The following ADAMTS14 variants were observed in gnomAD, a reference collection of about 807,000 sequenced individuals.
The protein encoded by ADAMTS14 is ADAM metallopeptidase with thrombospondin type 1 motif 14, also known as A disintegrin and metalloproteinase with thrombospondin motifs 14.
ADAMTS14 carries 100 observed loss-of-function variants against 128.6 expected under a neutral mutation model. That is an observed-to-expected ratio of 0.78 (90% confidence interval 0.66 to 0.92). The LOEUF is 0.92. Ranked by LOEUF, ADAMTS14 falls within the 40% of genes least tolerant of loss-of-function variation. ADAMTS14 has a pLI of 0.00. For missense variants in ADAMTS14, 1,562 were observed against 1,658.6 expected (o/e 0.94, Z 1.01); for synonymous variants, 665 against 653.8 (o/e 1.02, Z -0.26).
In ADAMTS14 at chr10:70,758,018, C is replaced by T. The variant is rs367958075; in HGVS notation, c.2994C>T (p.Asn998=). 8.5e-5 allele frequency: 137 copies of T among 1,613,566 alleles called. No homozygotes were observed. The highest frequency in any genetic ancestry group is 3.1e-4 in the South Asian group (28 of 91,006). Reference sequence around the variant, plus strand: ...AGCGGCAGGTGGTGTGCAGGACCAACGCCAACAGCCTCGGGCATTGCGAGG... The same window carrying T: ...AGCGGCAGGTGGTGTGCAGGACCAATGCCAACAGCCTCGGGCATTGCGAGG... ...IQQRQVVCRT[N]ANSLGHCEGD... is the part of the protein sequence containing the mutation. Residue 998 remains asparagine, a synonymous_variant, in exon 20 of 22, where the codon AAC becomes AAT. Coordinates refer to ENST00000373207, the MANE Select transcript of ADAMTS14 (RefSeq NM_080722.4).
At chr10:70,673,819 G>A (rs753775133) in intron 1 of ADAMTS14, among the ~76,000 whole-genome samples, 11 of 152,298 alleles carry the variant, frequency 7.2e-5, no homozygotes, top group Middle Eastern at 3.4e-3. Flanking sequence ...GGAGAGCTGC[G>A]TGAGGATGGG....
intron 3 of ADAMTS14, among the ~76,000 whole-genome samples, chr10:70,704,838 G>T (rs961040998): frequency 1.3e-5 from 2 of 149,920 alleles, no homozygotes; most frequent in African/African-American, 4.9e-5. Flanking sequence ...ACACACTGAC[G>T]CAAACACACG....
rs1175396738 is a variant in ADAMTS14 at position 70,738,469 on chromosome 10, A to G, written c.1600-373A>G. Among the ~76,000 whole-genome samples the G allele has an allele frequency of 4.6e-5, 7 of 152,228 alleles. No individual in the cohort carries two copies. The East Asian group carries it at 1.3e-3, about 29-fold the overall frequency. On this transcript the variant is annotated intron_variant, in intron 10 of 21. Coordinates refer to ENST00000373207, the MANE Select transcript of ADAMTS14 (RefSeq NM_080722.4). ...TCCCTGGAAGGTGATTTTGAGATAC[A>G]GAGCCAAGATCAACTCTAGCTAGTG... is the stretch of plus-strand genomic sequence containing the variant.
chr10:70,733,870 T>C lies in ADAMTS14; in HGVS notation c.1209-15T>C. The C allele has an allele frequency of 6.2e-7, 1 of 1,609,688 alleles. No homozygotes were observed. The highest frequency in any genetic ancestry group is 8.5e-7 in the Non-Finnish European group (1 of 1,176,930). ...CCTGGGATGTATCAGGACTCCTCTGTCTTCCCCATTCCAGGCTCGGCATGG... is the reference window on the plus strand; with the variant it reads ...CCTGGGATGTATCAGGACTCCTCTGCCTTCCCCATTCCAGGCTCGGCATGG... On this transcript the variant is annotated splice_polypyrimidine_tract_variant and intron_variant, in intron 7 of 21. Transcript: ENST00000373207.
At chr10:70,679,726 C>T (rs982953386) in intron 2 of ADAMTS14, among the ~76,000 whole-genome samples, 8 of 152,228 alleles carry the variant, frequency 5.3e-5, no homozygotes, top group African/African-American at 1.4e-4. Context: ...GGGCCTGGCG[C>T]GGAAGCAGCC....
At chr10:70,717,224 C>T (rs562630299) in intron 4 of ADAMTS14, among the ~76,000 whole-genome samples, 2 of 152,272 alleles carry the variant, frequency 1.3e-5, no homozygotes, top group East Asian at 3.9e-4. Flanking sequence ...AATCAGGGAA[C>T]CACTGAGAAT....
At chr10:70,683,869 A>G (rs1485837349) in intron 2 of ADAMTS14, among the ~76,000 whole-genome samples, 1 of 152,140 alleles carries the variant, frequency 6.6e-6, no homozygotes, top group East Asian at 1.9e-4. Flanking sequence ...AGGCCGTCTC[A>G]GGGTAGCACT....
At chr10:70,752,722 C>T (rs927462175) in intron 18 of ADAMTS14, among the ~76,000 whole-genome samples, 1 of 152,194 alleles carries the variant, frequency 6.6e-6, no homozygotes, top group South Asian at 2.1e-4. Context: ...AGGGCATCGC[C>T]CATCCTCCTG....
chr10:70,729,814 G>A (rs1841575483), intron 5 of ADAMTS14, among the ~76,000 whole-genome samples: 1 of 152,246 alleles, frequency 6.6e-6, no homozygotes, highest in Non-Finnish European at 1.5e-5. Context: ...TAGAGGAAAT[G>A]CTCAGAACAG....
chr10:70,685,753 G>C (rs1378782411), intron 2 of ADAMTS14, among the ~76,000 whole-genome samples: 1 of 152,170 alleles, frequency 6.6e-6, no homozygotes, highest in Non-Finnish European at 1.5e-5. Flanking sequence ...GTGCTGTCCC[G>C]TGATATGGTA....
rs1682025747 is a variant in ADAMTS14, at chr10:70,760,866, C to A, written c.*13C>A. 2 of 1,552,002 alleles carry A rather than the reference C, an allele frequency of 1.3e-6. No homozygotes were observed. On this transcript the variant is annotated 3_prime_UTR_variant, in exon 22 of 22. Transcript: ENST00000373207. Reference sequence around the variant, plus strand: ...CCCGGTGACATGAGCTGTGCCCTGCCATCCCACTGGCACGTTTACACTCTG... The same window carrying A: ...CCCGGTGACATGAGCTGTGCCCTGCAATCCCACTGGCACGTTTACACTCTG...
chr10:70,736,760 C>A lies in ADAMTS14; in HGVS notation c.1566C>A (p.Pro522=). Residue 522 remains proline, a synonymous_variant, in exon 10 of 22, where the codon CCC becomes CCA. Transcript: ENST00000373207. ...NPYFCKTKKG[P]PLDGTECAPG... ...ACTTCTGCAAGACCAAGAAGGGGCC[C>A]CCGCTGGATGGGACTGAGTGTGCAC... 1.9e-6 allele frequency: 3 copies of A among 1,613,812 alleles called. No individual in the cohort carries two copies. The highest frequency in any genetic ancestry group is 2.5e-6 in the Non-Finnish European group (3 of 1,179,794).
At chr10:70,684,829 A>G (rs890394135) in intron 2 of ADAMTS14, among the ~76,000 whole-genome samples, 6 of 150,784 alleles carry the variant, frequency 4.0e-5, no homozygotes, top group Admixed American at 1.3e-4. Flanking sequence ...CTGTCTGAGC[A>G]GAGGCCCCGG....
chr10:70,686,317 TG>T (rs1312685548), intron 2 of ADAMTS14, among the ~76,000 whole-genome samples: 3 of 139,778 alleles, frequency 2.1e-5, no homozygotes, highest in African/African-American at 7.9e-5. Flanking sequence ...TGATAATTCT[TG>T]GGTGTTTCTC....
intron 2 of ADAMTS14, among the ~76,000 whole-genome samples, chr10:70,692,253 C>T (rs973988452): frequency 6.6e-6 from 1 of 152,100 alleles, no homozygotes; most frequent in African/African-American, 2.4e-5. Flanking sequence ...GTCTTTCAGA[C>T]CAGAAGAGCC....
At position 70,712,588 on chromosome 10, in the gene ADAMTS14, T is replaced by C. The variant is rs114833291; in HGVS notation, c.870+3810T>C. On this transcript the variant is annotated intron_variant, in intron 4 of 21. Transcript: ENST00000373207. ...GTGCAAAAGGAGACAAAATTGATGT[T>C]GTGTAGGGTGGGAGGGAAGGCTGTT... is the stretch of plus-strand genomic sequence containing the variant. 9.3e-3 allele frequency among the ~76,000 whole-genome samples: 1,410 copies of C among 152,162 alleles called. 25 individuals are homozygous for C. The highest frequency in any genetic ancestry group is 0.032 in the African/African-American group (1,334 of 41,504).
intron 12 of ADAMTS14, 113 bp downstream of exon 12, chr10:70,741,275 T>TG: frequency 7.6e-7 from 1 of 1,315,858 alleles, no homozygotes; most frequent in South Asian, 1.4e-5. Context: ...GGAGGGACAG[T>TG]GGGGGTGCCA....
Position 70,702,423 on chromosome 10 carries a change from G to A in ADAMTS14, c.634G>A (p.Val212Ile), listed in dbSNP as rs141188417. Residue 212 changes from valine to isoleucine, a missense_variant, in exon 3 of 22, where the codon GTC becomes ATC. By Grantham distance (29) the Val-to-Ile change is conservative. Transcript: ENST00000373207. Reference sequence around the variant, plus strand: ...ACATGTGGTGTACCGCCGGGAGGCCGTCCAGCAGGAGTGGGCAGAACCTGA... The same window carrying A: ...ACATGTGGTGTACCGCCGGGAGGCCATCCAGCAGGAGTGGGCAGAACCTGA... ...RTHVVYRREA[V>I]QQEWAEPDGD... 3.5e-5 allele frequency: 57 copies of A among 1,613,524 alleles called. No individual in the cohort carries two copies. Among genetic ancestry groups the A allele is most frequent in the Admixed American group, 3.0e-4 (18 of 59,936 alleles).
chr10:70,684,528 T>C (rs1322135552), intron 2 of ADAMTS14, among the ~76,000 whole-genome samples: 2 of 152,250 alleles, frequency 1.3e-5, no homozygotes, highest in Non-Finnish European at 2.9e-5. Flanking sequence ...CAAATATTCT[T>C]CCACATTGCC....
Sources: allele counts gnomAD v4.1 joint callset (sites outside exome capture counted in the v4.1 genomes callset), GRCh38; gene constraint gnomAD v4.1.1; transcripts MANE v1.5; gene names NCBI Gene and HGNC (gene_info 2026-07-23, HGNC 2026-07-21).